Variants in ATXN3 observed in about 807,000 individuals in gnomAD.
ATXN3 encodes the protein ataxin-3.
A neutral mutation model predicts 58.2 loss-of-function variants in ATXN3; 28 were observed. The ratio of observed to expected loss-of-function variants is 0.48; its 90% CI spans 0.36 to 0.66. The LOEUF is 0.66. ATXN3 is among the 30% of genes least tolerant of loss of function. ATXN3 has a pLI of 0.00. For synonymous variants in ATXN3, 113 were observed against 138.5 expected (o/e 0.82, Z 1.29); for missense variants, 321 against 422.1 (o/e 0.76, Z 2.10).
chr14:92,058,797 C>G lies in ATXN3; in HGVS notation c.*5523G>C, dbSNP rs1407627436. On this transcript the variant is annotated 3_prime_UTR_variant, in exon 11 of 11. Coordinates refer to ENST00000644486, the MANE Select transcript of ATXN3 (RefSeq NM_004993.6). ...CTGCCACAGTGCACTTGTATCATGG[C>G]CAAACAACAATGCTTTTTGTTTCAG... The G allele has an allele frequency of 6.6e-6, 1 of 152,120 alleles. No homozygotes were observed. The highest frequency in any genetic ancestry group is 6.6e-5 in the Admixed American group (1 of 15,264). The allele number at this position is 152,120 out of a possible 1,614,324, so 9.4% of individuals were successfully genotyped here.
exon 3 of ATXN3, chr14:92,044,886 T>G (rs1235974429): frequency 1.3e-5 from 2 of 152,044 alleles, no homozygotes; most frequent in Non-Finnish European, 2.9e-5. Flanking sequence ...CCATCGAGGT[T>G]GTAGAGTTTG....
chr14:92,065,523 C>G (rs1469159157), intron 10 of ATXN3, among the ~76,000 whole-genome samples: 1 of 151,374 alleles, frequency 6.6e-6, no homozygotes, highest in African/African-American at 2.4e-5. Context: ...TGCTTGAGCC[C>G]AGGAGTTCAA....
At chr14:92,105,413 C>A (rs534680546) in intron 1 of ATXN3, among the ~76,000 whole-genome samples, 13 of 152,118 alleles carry the variant, frequency 8.5e-5, no homozygotes, top group African/African-American at 3.1e-4. Flanking sequence ...GAGACCCCAT[C>A]TTTAAAATAA....
At chr14:92,051,934 T>C (rs1215960065), upstream of ATXN3, among the ~76,000 whole-genome samples, 2 of 150,584 alleles carry the variant, frequency 1.3e-5, no homozygotes, top group African/African-American at 4.9e-5. Flanking sequence ...CACATGTTGG[T>C]CAGGCTGGTC....
chr14:92,091,588 A>G (rs549598045), intron 5 of ATXN3, among the ~76,000 whole-genome samples: 44 of 152,218 alleles, frequency 2.9e-4, no homozygotes, highest in African/African-American at 9.9e-4. Flanking sequence ...ATTTAATTCA[A>G]TATATTTTCT....
rs1188864357 is a variant in ATXN3, at chr14:92,080,975, A to G, written c.862T>C (p.Tyr288His). The change falls in exon 9 of 11, where the codon TAC becomes CAC. Residue 288 changes from tyrosine to histidine, a missense_variant. Physicochemically the swap from Tyr to His is moderately conservative, Grantham distance 83. Around this residue, in one of 2 missense-constraint regions of ATXN3, gnomAD observed 200 missense variants for 223.2 expected, o/e 0.90. Transcript: ENST00000644486. Reference protein sequence around the residue: ...SEELRKRREAYFEKQQQKQQQ... With the variant: ...SEELRKRREAHFEKQQQKQQQ... ...TACCAACTACTTTACTTTTCAAAGTAGGCTTCTCGTCTCTTCCGAAGCTCT... is the reference window on the plus strand; with the variant it reads ...TACCAACTACTTTACTTTTCAAAGTGGGCTTCTCGTCTCTTCCGAAGCTCT... The G allele has an allele frequency of 1.9e-6, 3 of 1,606,096 alleles. No homozygotes were observed. The highest frequency in any genetic ancestry group is 2.6e-6 in the Non-Finnish European group (3 of 1,172,924).
intron 5 of ATXN3, among the ~76,000 whole-genome samples, chr14:92,090,160 T>C (rs1012013359): frequency 1.3e-5 from 2 of 152,220 alleles, no homozygotes; most frequent in Non-Finnish European, 2.9e-5. Flanking sequence ...TGGAGTGCAG[T>C]GGTGCAATCA....
chr14:92,099,261 A>G (rs1454420387), intron 1 of ATXN3, among the ~76,000 whole-genome samples: 1 of 152,212 alleles, frequency 6.6e-6, no homozygotes, highest in Admixed American at 6.5e-5. Flanking sequence ...TGCAAGACGG[A>G]TATTTTTCCT....
intron 9 of ATXN3, 99 bp from the exon 10 acceptor site, chr14:92,071,152 G>C (rs772351920): frequency 6.8e-7 from 1 of 1,472,976 alleles, no homozygotes; most frequent in Non-Finnish European, 9.2e-7. Context: ...ATTGTTTCAC[G>C]AATCAAAGTA....
upstream of ATXN3, chr14:92,050,521 A>G (rs1290367943): frequency 6.6e-6 from 1 of 152,330 alleles, no homozygotes; most frequent in Non-Finnish European, 1.5e-5. Flanking sequence ...GAAGCTGCCC[A>G]GCTGAAATTC....
At chr14:92,078,455 G>A (rs1442639660) in intron 9 of ATXN3, among the ~76,000 whole-genome samples, 2 of 151,894 alleles carry the variant, frequency 1.3e-5, no homozygotes, top group Non-Finnish European at 2.9e-5. Flanking sequence ...CTCGCCTCCC[G>A]GGTTCAAGTG....
chr14:92,106,382 G>T, intron 1 of ATXN3, 147 bp downstream of exon 1: 1 of 1,009,898 alleles, frequency 9.9e-7, no homozygotes, highest in Non-Finnish European at 1.5e-6. Flanking sequence ...GAGCCGAGGA[G>T]GCGGGAGGCT....
At chr14:92,100,877 T>G (rs1218205112) in intron 1 of ATXN3, among the ~76,000 whole-genome samples, 2 of 152,220 alleles carry the variant, frequency 1.3e-5, no homozygotes, top group African/African-American at 4.8e-5. Context: ...TTGTATCTAA[T>G]TTTTAAAAAA....
At position 92,063,512 on chromosome 14, in the gene ATXN3, C is replaced by CA. The variant is rs2057926057; in HGVS notation, c.*807dup. The stretch of plus-strand genomic sequence containing the variant: ...AAGGCGCAGGAAGAAGGGGTTGCAA[C>CA]AAAGCTGTAAGGTTTTGATATAAGT... On this transcript the variant is annotated 3_prime_UTR_variant, in exon 11 of 11. Coordinates refer to ENST00000644486, the MANE Select transcript of ATXN3 (RefSeq NM_004993.6). The CA allele has an allele frequency of 6.6e-6, 1 of 152,092 alleles. No individual in the cohort carries two copies. Among genetic ancestry groups the CA allele is most frequent in the Non-Finnish European group, 1.5e-5 (1 of 68,006 alleles). The allele number at this position is 152,092 out of a possible 1,614,324, so 9.4% of individuals were successfully genotyped here.
chr14:92,091,606 T>C (rs1230258799), intron 5 of ATXN3, among the ~76,000 whole-genome samples: 1 of 150,844 alleles, frequency 6.6e-6, no homozygotes, highest in African/African-American at 2.4e-5. Context: ...TCTTGACTTA[T>C]ACCTTTTTTG....
At chr14:92,092,059 G>A (rs2063955997) in intron 5 of ATXN3, among the ~76,000 whole-genome samples, 1 of 151,858 alleles carries the variant, frequency 6.6e-6, no homozygotes, top group Non-Finnish European at 1.5e-5. Flanking sequence ...CCAAGATAGT[G>A]AACACATTCC....
chr14:92,093,863 T>G (rs1280545058), intron 3 of ATXN3, 32 bp from the exon 4 acceptor site: 3 of 1,324,870 alleles, frequency 2.3e-6, no homozygotes, highest in Non-Finnish European at 3.3e-6. Flanking sequence ...TTTCATAAGC[T>G]AAACCACTCC....
intron 4 of ATXN3, 60 bp from the exon 5 acceptor site, chr14:92,093,378 C>T: frequency 1.2e-6 from 1 of 816,864 alleles, no homozygotes; most frequent in South Asian, 1.7e-5. Flanking sequence ...ATGTTGTCTA[C>T]TGGCAAATAT....
chr14:92,099,422 G>C (rs1254019451), intron 1 of ATXN3, among the ~76,000 whole-genome samples: 2 of 152,234 alleles, frequency 1.3e-5, no homozygotes. Flanking sequence ...CTTGGAGCTA[G>C]AGAGAACACT....
Sources: gnomAD v4.1 joint callset for allele counts (sites outside exome capture counted in the v4.1 genomes callset) on GRCh38, gnomAD v4.1.1 for gene constraint, gnomAD v4.1.1 regional missense constraint, MANE v1.5 for transcripts, NCBI Gene and HGNC (gene_info 2026-07-23, HGNC 2026-07-21) for gene names.